KAZN: variants seen among roughly 807,000 people sequenced by gnomAD.
KAZN encodes kazrin, periplakin interacting protein.
A neutral mutation model predicts 87.4 loss-of-function variants in KAZN; 40 were observed. The ratio of observed to expected loss-of-function variants is 0.46; its 90% CI spans 0.36 to 0.60. The LOEUF (loss-of-function observed/expected upper bound fraction) is 0.60. Among genes scored for constraint, KAZN ranks in the 20% least tolerant of loss-of-function variants. The probability of loss-of-function intolerance (pLI) is 0.00; values close to 1 mark genes in which losing one functional copy is unlikely to be tolerated. For synonymous variants in KAZN, 466 were observed against 458.3 expected, an observed-to-expected ratio of 1.02 and a Z score of -0.22; for missense variants, 898 against 1,073.9, an observed-to-expected ratio of 0.84 and a Z score of 2.29.
chr1:14,466,991 T>G (rs2148361280), intron 2 of KAZN, among the ~76,000 whole-genome samples: 1 of 152,204 alleles, frequency 6.6e-6, no homozygotes, highest in Non-Finnish European at 1.5e-5. Flanking sequence ...ATTAAATAAA[T>G]AAACCGAAGA....
At chr1:14,113,525 A>G (rs12026462) in intron 1 of KAZN, among the ~76,000 whole-genome samples, 43,958 of 152,112 alleles carry the variant, frequency 0.29, 6,788 homozygotes, top group East Asian at 0.56. Flanking sequence ...CTTCCCACGT[A>G]CTTGGTATTT....
At chr1:14,780,261 T>A (rs1254840643) in intron 1 of KAZN, among the ~76,000 whole-genome samples, 1 of 152,250 alleles carries the variant, frequency 6.6e-6, no homozygotes, top group Non-Finnish European at 1.5e-5. Flanking sequence ...GGCTGAGATG[T>A]CACGTCTTCA....
intron 1 of KAZN, among the ~76,000 whole-genome samples, chr1:13,931,966 C>T (rs1236992105): frequency 6.6e-6 from 1 of 151,736 alleles, no homozygotes; most frequent in East Asian, 1.9e-4. Flanking sequence ...ACCTCCCTCC[C>T]AAGTAGCTGG....
chr1:14,887,666 GTT>G (rs79148240), intron 1 of KAZN, among the ~76,000 whole-genome samples: 23 of 137,130 alleles, frequency 1.7e-4, no homozygotes, highest in Non-Finnish European at 1.1e-4. Context: ...CGTCGTGGTA[GTT>G]TTTTTTTTTT....
intron 1 of KAZN, among the ~76,000 whole-genome samples, chr1:14,925,027 C>G (rs991368866): frequency 6.6e-6 from 1 of 152,268 alleles, no homozygotes; most frequent in Non-Finnish European, 1.5e-5. Flanking sequence ...CTCGCATTTG[C>G]TAGGAGCGGA....
At chr1:14,217,017 A>T (rs1032116785) in intron 2 of KAZN, among the ~76,000 whole-genome samples, 1 of 152,210 alleles carries the variant, frequency 6.6e-6, no homozygotes, top group Non-Finnish European at 1.5e-5. Flanking sequence ...TGTTGAAACT[A>T]ATTGCCATTA....
intron 1 of KAZN, among the ~76,000 whole-genome samples, chr1:14,929,505 G>A (rs992928913): frequency 6.6e-6 from 1 of 152,156 alleles, no homozygotes; most frequent in African/African-American, 2.4e-5. Flanking sequence ...AGCACCCCTG[G>A]CTCTGGGGTT....
chr1:14,603,716 T>C (rs1677147533), intron 1 of KAZN, among the ~76,000 whole-genome samples: 1 of 152,164 alleles, frequency 6.6e-6, no homozygotes, highest in Admixed American at 6.5e-5. Flanking sequence ...TAAGGCATGA[T>C]AGGCCCTCTC....
In KAZN at chr1:14,662,682, T is replaced by G. The variant is rs143609791; in HGVS notation, c.226+63459T>G. Among the ~76,000 whole-genome samples, 302 of 151,740 alleles carry G rather than the reference T, an allele frequency of 2.0e-3. 3 individuals carry two copies. In the East Asian group the frequency reaches 0.024, roughly 12 times the overall value. The stretch of plus-strand genomic sequence containing the variant: ...GTGAGTGTGTGTGTGTGTATATGAG[T>G]GTTTGCCTGTGTGTGTGTATGTGTG... On this transcript the variant is annotated intron_variant, in intron 1 of 14. Coordinates refer to ENST00000376030, the MANE Select transcript of KAZN (RefSeq NM_201628.3).
intron 1 of KAZN, among the ~76,000 whole-genome samples, chr1:14,150,475 C>T (rs1031054019): frequency 2.8e-4 from 43 of 152,324 alleles, no homozygotes; most frequent in African/African-American, 9.4e-4. Context: ...CCAGAACTTC[C>T]AACTTCATTG....
chr1:14,002,020 G>A (rs1639814874), intron 1 of KAZN, among the ~76,000 whole-genome samples: 1 of 152,096 alleles, frequency 6.6e-6, no homozygotes, highest in Admixed American at 6.5e-5. Flanking sequence ...TTAAACTAAA[G>A]AACTTCTGCA....
intron 2 of KAZN, among the ~76,000 whole-genome samples, chr1:14,200,976 C>T (rs976125441): frequency 3.3e-5 from 5 of 152,164 alleles, no homozygotes; most frequent in African/African-American, 1.2e-4. Context: ...TTTCCTCAAG[C>T]GTTCCCAACA....
chr1:14,300,352 C>T (rs2100777129), intron 2 of KAZN, among the ~76,000 whole-genome samples: 1 of 152,266 alleles, frequency 6.6e-6, no homozygotes, highest in Non-Finnish European at 1.5e-5. Context: ...CCACATCAGC[C>T]TCCCAAGGAA....
At chr1:15,041,462 C>CGAGTAGCTGGGATTACAGGCAT (rs1557745070) in intron 3 of KAZN, among the ~76,000 whole-genome samples, 1 of 151,498 alleles carries the variant, frequency 6.6e-6, no homozygotes, top group African/African-American at 2.4e-5. Context: ...CTCAGCCTCC[C>CGAGTAGCTGGGATTACAGGCAT]GAGTAGCTGG....
intron 2 of KAZN, among the ~76,000 whole-genome samples, chr1:14,283,931 A>G (rs1653041691): frequency 6.6e-6 from 1 of 152,216 alleles, no homozygotes; most frequent in Non-Finnish European, 1.5e-5. Flanking sequence ...CATAAAAAGG[A>G]ATGAGTACTG....
chr1:14,865,108 G>A (rs1651305440), intron 1 of KAZN, among the ~76,000 whole-genome samples: 1 of 152,088 alleles, frequency 6.6e-6, no homozygotes, highest in Non-Finnish European at 1.5e-5. Flanking sequence ...CTCAACACTG[G>A]ATGCAAAGAT....
At chr1:14,906,233 C>G (rs1656573051) in intron 1 of KAZN, among the ~76,000 whole-genome samples, 1 of 151,718 alleles carries the variant, frequency 6.6e-6, no homozygotes, top group African/African-American at 2.4e-5. Flanking sequence ...CACATGGATC[C>G]AGCCTGTGAA....
intron 2 of KAZN, among the ~76,000 whole-genome samples, chr1:14,539,167 T>C (rs1431823191): frequency 1.3e-5 from 2 of 152,166 alleles, no homozygotes; most frequent in Non-Finnish European, 2.9e-5. Flanking sequence ...TTGCAAATAT[T>C]GCAACTGATA....
At chr1:13,897,440 C>T (rs904261135) in intron 1 of KAZN, among the ~76,000 whole-genome samples, 3 of 152,148 alleles carry the variant, frequency 2.0e-5, no homozygotes, top group Non-Finnish European at 4.4e-5. Context: ...GTGGTTTTCT[C>T]ATGTTCTCTT....
Sources: gnomAD v4.1 joint callset for allele counts (sites outside exome capture counted in the v4.1 genomes callset) on GRCh38, gnomAD v4.1.1 for gene constraint, MANE v1.5 for transcripts, NCBI Gene and HGNC (gene_info 2026-07-23, HGNC 2026-07-21) for gene names.